GSDME: variants seen among roughly 807,000 people sequenced by gnomAD.
The protein encoded by GSDME is gasdermin-E.
A neutral mutation model predicts 47.5 loss-of-function variants in GSDME; 44 were observed. The ratio of observed to expected loss-of-function variants is 0.93; its 90% CI spans 0.73 to 1.19. GSDME has a LOEUF of 1.19. Ranked by LOEUF, GSDME falls within the 50% of genes most tolerant of loss-of-function variation. The pLI is 0.00. For synonymous variants in GSDME, 258 were observed against 252.8 expected, an observed-to-expected ratio of 1.02 and a Z score of -0.20; for missense variants, 663 against 604.2, an observed-to-expected ratio of 1.10 and a Z score of -1.02.
chr7:24,710,348 G>C lies in GSDME; in HGVS notation c.738C>G (p.Asn246Lys), dbSNP rs974176054. Residue 246 changes from asparagine to lysine, a missense_variant, in exon 6 of 10, where the codon AAC becomes AAG. Asn to Lys is a moderately conservative substitution (Grantham distance 94). Transcript: ENST00000645220. Reference sequence around the variant, plus strand: ...GGTAGACAGAGTCAATTCTCTTCTTGTTCTCGAAGCCACCTTGCTTCCCTC... The same window carrying C: ...GGTAGACAGAGTCAATTCTCTTCTTCTTCTCGAAGCCACCTTGCTTCCCTC... ...LLRGKQGGFENKKRIDSVYLD... is the reference protein window; with the variant it reads ...LLRGKQGGFEKKKRIDSVYLD... 2 of 1,614,106 alleles carry C rather than the reference G, an allele frequency of 1.2e-6. No individual in the cohort carries two copies. The highest frequency in any genetic ancestry group is 1.7e-6 in the Non-Finnish European group (2 of 1,180,050).
At chr7:24,783,546 T>C in the GSDME span, among the ~76,000 whole-genome samples, 5 of 152,218 alleles carry the variant, frequency 3.3e-5, no homozygotes, top group Non-Finnish European at 4.4e-5. Flanking sequence ...TGCAGTATTA[T>C]ACACACATCA....
chr7:24,754,660 A>G lies in GSDME; in HGVS notation c.-20+2736T>C, dbSNP rs1226113918. ...CACCAAGAAAGCAGGACAATGACAC[A>G]AAGTTAGCAAAGCACACAGCCAACT... On this transcript the variant is annotated intron_variant, in intron 1 of 9. Coordinates refer to ENST00000645220, the MANE Select transcript of GSDME (RefSeq NM_001127453.2). The surrounding 1 kb of genome is among the most constrained non-coding windows in gnomAD (Gnocchi z 5.0). Among the ~76,000 whole-genome samples the G allele has an allele frequency of 6.6e-6, 1 of 152,220 alleles. No homozygotes were observed. The highest frequency in any genetic ancestry group is 2.4e-5 in the African/African-American group (1 of 41,464).
chr7:24,749,081 A>G (rs1196854412), intron 2 of GSDME, among the ~76,000 whole-genome samples: 13 of 152,218 alleles, frequency 8.5e-5, no homozygotes, highest in Non-Finnish European at 1.3e-4. Flanking sequence ...AGGTTAAGCT[A>G]TAATGTGTCA....
the GSDME span, among the ~76,000 whole-genome samples, chr7:24,787,946 C>T: frequency 6.6e-6 from 1 of 152,146 alleles, no homozygotes; most frequent in African/African-American, 2.4e-5. The surrounding 1 kb of genome is among the most constrained non-coding windows in gnomAD (Gnocchi z 5.0). Context: ...GCCTTGTGAC[C>T]TGCCCACCTC....
At chr7:24,781,372 G>A in the GSDME span, among the ~76,000 whole-genome samples, 1 of 152,178 alleles carries the variant, frequency 6.6e-6, no homozygotes, top group African/African-American at 2.4e-5. Flanking sequence ...AAGTGCACGT[G>A]GGGAAGCCGT....
chr7:24,766,760 A>G, the GSDME span, among the ~76,000 whole-genome samples: 1 of 152,192 alleles, frequency 6.6e-6, no homozygotes, highest in African/African-American at 2.4e-5. This position sits in a 1 kb window ranked among gnomAD's most constrained non-coding sequence, Gnocchi z 4.2. Flanking sequence ...GCCACAGTAA[A>G]CATACGTGTG....
chr7:24,768,476 C>T, the GSDME span, among the ~76,000 whole-genome samples: 558 of 152,264 alleles, frequency 3.7e-3, 4 homozygotes, highest in African/African-American at 0.013. This position sits in a 1 kb window ranked among gnomAD's most constrained non-coding sequence, Gnocchi z 5.6. Flanking sequence ...TTTATCTACA[C>T]CGTTTTCCCC....
the GSDME span, among the ~76,000 whole-genome samples, chr7:24,778,834 A>C: frequency 9.9e-3 from 1,512 of 152,350 alleles, 20 homozygotes; most frequent in African/African-American, 0.035. The surrounding 1 kb of genome is among the most constrained non-coding windows in gnomAD (Gnocchi z 5.6). Context: ...TGCTGTCATT[A>C]GCTGGATAAC....
At position 24,706,165 on chromosome 7, in the gene GSDME, C is replaced by T. The variant is rs370312532; in HGVS notation, c.1183+19G>A. ...TTAAAGCAGCAGCAGCCATTTCTTT[C>T]ATTTTCTTTTCTCCTTACCTGCGAG... On this transcript the variant is annotated intron_variant, in intron 8 of 9. Coordinates refer to ENST00000645220, the MANE Select transcript of GSDME (RefSeq NM_001127453.2). 1.6e-4 allele frequency: 262 copies of T among 1,613,930 alleles called. No individual in the cohort carries two copies. The highest frequency in any genetic ancestry group is 2.1e-4 in the Non-Finnish European group (248 of 1,179,908).
At chr7:24,708,061 C>T in intron 7 of GSDME, 66 bp downstream of exon 7, 1 of 1,601,810 alleles carries the variant, frequency 6.2e-7, no homozygotes, top group East Asian at 2.2e-5. Context: ...ACAATTCCAT[C>T]CTGCCTCCTC....
the GSDME span, among the ~76,000 whole-genome samples, chr7:24,769,408 C>A: frequency 6.6e-6 from 1 of 152,136 alleles, no homozygotes; most frequent in Admixed American, 6.5e-5. Flanking sequence ...AGGCGGGGAA[C>A]GTAGCCATTT....
At chr7:24,700,644 G>A (rs1214637674) in intron 9 of GSDME, among the ~76,000 whole-genome samples, 1 of 152,046 alleles carries the variant, frequency 6.6e-6, no homozygotes, top group Non-Finnish European at 1.5e-5. Context: ...ATCAAAATCA[G>A]CCTCACGAAC....
the GSDME span, among the ~76,000 whole-genome samples, chr7:24,787,937 C>T: frequency 6.6e-6 from 1 of 152,124 alleles, no homozygotes; most frequent in Non-Finnish European, 1.5e-5. The surrounding 1 kb of genome is among the most constrained non-coding windows in gnomAD (Gnocchi z 5.0). Context: ...AAACTCTTGG[C>T]CTTGTGACCT....
chr7:24,700,626 G>T (rs6968498), intron 9 of GSDME, among the ~76,000 whole-genome samples: 10,407 of 152,168 alleles, frequency 0.068, 440 homozygotes, highest in African/African-American at 0.11. Context: ...AGTACTTGTG[G>T]GTTTATTATC....
Position 24,705,676 on chromosome 7 carries a change from G to A in GSDME, c.1183+508C>T. ...GGACCAGTGCAGAAGCTGTGCATCT[G>A]GGCCCAGCCACAGCTCTGCCTCCCA... On this transcript the variant is annotated intron_variant, in intron 8 of 9. Coordinates refer to ENST00000645220, the MANE Select transcript of GSDME (RefSeq NM_001127453.2). This position sits in a 1 kb window ranked among gnomAD's most constrained non-coding sequence, Gnocchi z 4.1. 1 of 231,550 alleles carries A rather than the reference G, an allele frequency of 4.3e-6. No individual in the cohort carries two copies. Among genetic ancestry groups the A allele is most frequent in the Non-Finnish European group, 8.6e-6 (1 of 116,664 alleles). 14.3% of individuals were successfully genotyped at this position (231,550 alleles called of 1,614,324 possible).
rs939033542 is a variant in GSDME, at chr7:24,723,612, TA to T, written c.405-4395del. 2.0e-4 allele frequency among the ~76,000 whole-genome samples: 31 copies of T among 151,258 alleles called. 1 individual carries two copies. Among genetic ancestry groups the T allele is most frequent in the Non-Finnish European group, 1.2e-4 (8 of 67,738 alleles). Reference sequence around the variant, plus strand: ...CTCAGTTGAGGGTTTCAGAAGAGTTTAAAAAAAAAGAGCCTAGAGAGGTTGA... The same window carrying T: ...CTCAGTTGAGGGTTTCAGAAGAGTTTAAAAAAAAGAGCCTAGAGAGGTTGA... On this transcript the variant is annotated intron_variant, in intron 3 of 9. Coordinates refer to ENST00000645220, the MANE Select transcript of GSDME (RefSeq NM_001127453.2).
At chr7:24,781,831 A>G in the GSDME span, among the ~76,000 whole-genome samples, 1 of 152,100 alleles carries the variant, frequency 6.6e-6, no homozygotes, top group Non-Finnish European at 1.5e-5. Flanking sequence ...ATGGTCTTGA[A>G]TTCCTGGGCT....
chr7:24,702,108 G>A (rs17208939), intron 9 of GSDME, among the ~76,000 whole-genome samples: 5,838 of 152,320 alleles, frequency 0.038, 154 homozygotes, highest in Non-Finnish European at 0.057. Context: ...AGCAACATCT[G>A]CAAAAGCTAC....
chr7:24,773,891 C>G, the GSDME span, among the ~76,000 whole-genome samples: 2 of 152,356 alleles, frequency 1.3e-5, no homozygotes, highest in African/African-American at 4.8e-5. The surrounding 1 kb of genome is among the most constrained non-coding windows in gnomAD (Gnocchi z 5.4). Flanking sequence ...CCCAGCATAA[C>G]CACATCCTTG....
Sources: allele counts gnomAD v4.1 joint callset (sites outside exome capture counted in the v4.1 genomes callset), GRCh38; gene constraint gnomAD v4.1.1; non-coding constraint Gnocchi (gnomAD v3.1); transcripts MANE v1.5; gene names NCBI Gene and HGNC (gene_info 2026-07-23, HGNC 2026-07-21).